Variants in TNIK observed in about 807,000 individuals in gnomAD.
TNIK encodes the protein TRAF2 and NCK-interacting protein kinase.
TNIK carries 49 observed loss-of-function variants against 191.3 expected under a neutral mutation model. The observed-to-expected ratio is 0.26, with a 90% CI of 0.20 to 0.32. The LOEUF is 0.32. TNIK is among the 10% of genes least tolerant of loss of function. The probability of loss-of-function intolerance (pLI) is 1.00; values close to 1 mark genes in which losing one functional copy is unlikely to be tolerated. For missense variants in TNIK, 1,155 were observed against 1,702.3 expected (o/e 0.68, Z 5.66); for synonymous variants, 594 against 600.9 (o/e 0.99, Z 0.17).
At position 171,059,981 on chromosome 3, in the gene TNIK, C is replaced by T. The variant is rs937791357; in HGVS notation, c.*3900G>A. On this transcript the variant is annotated 3_prime_UTR_variant, in exon 33 of 33. Transcript: ENST00000436636. ...CATGCTGTGGATTTTCTCATGTTTT[C>T]CTGCAGTAGGTTAAAATTAAAAGTT... is the stretch of plus-strand genomic sequence containing the variant. Among the ~76,000 whole-genome samples the T allele has an allele frequency of 6.6e-6, 1 of 152,092 alleles. No individual in the cohort carries two copies. Among genetic ancestry groups the T allele is most frequent in the South Asian group, 2.1e-4 (1 of 4,822 alleles).
At chr3:171,259,018 T>C (rs1481383753) in intron 2 of TNIK, among the ~76,000 whole-genome samples, 2 of 152,172 alleles carry the variant, frequency 1.3e-5, no homozygotes, top group Non-Finnish European at 1.5e-5. Context: ...AACCTTGTAG[T>C]GTGCTGTAAT....
chr3:171,075,696 G>A (rs1055191632), intron 28 of TNIK, among the ~76,000 whole-genome samples: 28 of 151,300 alleles, frequency 1.9e-4, no homozygotes, highest in African/African-American at 6.6e-4. Context: ...GGCCACATAC[G>A]TTTACAGACA....
intron 2 of TNIK, among the ~76,000 whole-genome samples, chr3:171,292,551 C>T (rs536286392): frequency 1.7e-4 from 26 of 151,936 alleles, no homozygotes; most frequent in Admixed American, 8.5e-4. Flanking sequence ...CCCAGGCGGG[C>T]GGAACATGAG....
At chr3:171,173,713 A>G (rs1735621869) in intron 9 of TNIK, among the ~76,000 whole-genome samples, 1 of 152,164 alleles carries the variant, frequency 6.6e-6, no homozygotes, top group African/African-American at 2.4e-5. Context: ...TCCTCTGTGG[A>G]AAAGCTCAGA....
chr3:171,125,844 C>T (rs1728392500), intron 17 of TNIK, 68 bp downstream of exon 17: 9 of 1,575,844 alleles, frequency 5.7e-6, no homozygotes, highest in Admixed American at 1.8e-5. Flanking sequence ...TACGAAAGGT[C>T]TGGAATAGTG....
rs1313835261 is a variant in TNIK, at chr3:171,062,356, T to TA, written c.*1524dup. ...GAGCTCTCTATATGTCTCCTGGAGATAACACTGCTGTGATGAACAGTGAAA... is the reference window on the plus strand; with the variant it reads ...GAGCTCTCTATATGTCTCCTGGAGATAAACACTGCTGTGATGAACAGTGAAA... On this transcript the variant is annotated 3_prime_UTR_variant, in exon 33 of 33. Coordinates refer to ENST00000436636, the MANE Select transcript of TNIK (RefSeq NM_015028.4). 3.9e-5 allele frequency: 6 copies of TA among 152,066 alleles called. No individual in the cohort carries two copies. The allele number at this position is 152,066 out of a possible 1,614,324, so 9.4% of individuals were successfully genotyped here.
At chr3:171,168,431 G>A (rs1158637098) in intron 9 of TNIK, among the ~76,000 whole-genome samples, 1 of 152,158 alleles carries the variant, frequency 6.6e-6, no homozygotes, top group East Asian at 1.9e-4. Flanking sequence ...AGGCCTGAGA[G>A]GTGCCCTCAC....
chr3:171,213,150 C>T (rs908324652), intron 3 of TNIK, among the ~76,000 whole-genome samples: 15 of 152,048 alleles, frequency 9.9e-5, no homozygotes, highest in African/African-American at 3.6e-4. Context: ...CCTTCGCCAG[C>T]CCTCAACTTG....
intron 27 of TNIK, among the ~76,000 whole-genome samples, chr3:171,080,419 A>C (rs1051811282): frequency 6.6e-6 from 1 of 150,774 alleles, no homozygotes; most frequent in Non-Finnish European, 1.5e-5. Context: ...AGGCTTTAAA[A>C]ATGTTTTATT....
chr3:171,241,108 G>A (rs941295169), intron 2 of TNIK, among the ~76,000 whole-genome samples: 10 of 150,646 alleles, frequency 6.6e-5, no homozygotes, highest in African/African-American at 1.7e-4. Flanking sequence ...TTGGCTCACC[G>A]CAACCTCCAC....
intron 1 of TNIK, among the ~76,000 whole-genome samples, chr3:171,428,460 C>G (rs1724928648): frequency 6.6e-6 from 1 of 152,034 alleles, no homozygotes; most frequent in African/African-American, 2.4e-5. Flanking sequence ...CTGCTTCCTG[C>G]CCCCTGTGGT....
chr3:171,231,311 TG>T (rs1482221650), intron 2 of TNIK, among the ~76,000 whole-genome samples: 1 of 143,748 alleles, frequency 7.0e-6, no homozygotes. Flanking sequence ...TTGTTGTTGT[TG>T]TTTTGTTTTT....
chr3:171,357,709 C>T (rs944563789), intron 2 of TNIK, among the ~76,000 whole-genome samples: 1 of 152,030 alleles, frequency 6.6e-6, no homozygotes, highest in Non-Finnish European at 1.5e-5. Flanking sequence ...GCAGGGAAAA[C>T]CATCAAACCC....
chr3:171,325,462 T>C (rs775232233), intron 2 of TNIK, among the ~76,000 whole-genome samples: 7 of 152,162 alleles, frequency 4.6e-5, no homozygotes, highest in Admixed American at 6.5e-5. Context: ...TAGATAAAGT[T>C]AGTATGTCCT....
At chr3:171,343,167 G>A (rs766085921) in intron 2 of TNIK, among the ~76,000 whole-genome samples, 1 of 152,178 alleles carries the variant, frequency 6.6e-6, no homozygotes, top group African/African-American at 2.4e-5. Flanking sequence ...GCTGTGGGCT[G>A]CACATAGGGA....
chr3:171,111,288 G>A (rs113607140), intron 18 of TNIK, among the ~76,000 whole-genome samples: 3,508 of 152,106 alleles, frequency 0.023, 144 homozygotes, highest in African/African-American at 0.081. Flanking sequence ...AGTGGCATGT[G>A]CCTGTCCTCC....
At chr3:171,149,980 G>A (rs1732214515) in intron 12 of TNIK, among the ~76,000 whole-genome samples, 1 of 152,196 alleles carries the variant, frequency 6.6e-6, no homozygotes, top group African/African-American at 2.4e-5. Context: ...CTCTGAGATG[G>A]GGGAATTAAT....
intron 1 of TNIK, among the ~76,000 whole-genome samples, chr3:171,425,530 C>CA (rs1041199897): frequency 9.2e-5 from 14 of 151,706 alleles, no homozygotes; most frequent in African/African-American, 3.4e-4. Context: ...TCTATTTGTC[C>CA]AAAAAAAGGG....
At position 171,209,966 on chromosome 3, in the gene TNIK, T is replaced by C. The variant is rs13323246; in HGVS notation, c.306+1150A>G. On this transcript the variant is annotated intron_variant, in intron 4 of 32. Transcript: ENST00000436636. ...AGTACTTTGGGAATTCTCCATGAAA[T>C]AGCCATTACTGGATCCACACAGCTC... Among the ~76,000 whole-genome samples the C allele has an allele frequency of 5.8e-3, 889 of 152,214 alleles. 10 individuals are homozygous for C. Among genetic ancestry groups the C allele is most frequent in the African/African-American group, 0.019 (778 of 41,542 alleles).
Sources: gnomAD v4.1 joint callset for allele counts (sites outside exome capture counted in the v4.1 genomes callset) on GRCh38, gnomAD v4.1.1 for gene constraint, MANE v1.5 for transcripts, NCBI Gene and HGNC (gene_info 2026-07-23, HGNC 2026-07-21) for gene names.